NCOR2: variants seen among roughly 807,000 people sequenced by gnomAD.
NCOR2 encodes CTG repeat protein 26.
A neutral mutation model predicts 262.9 loss-of-function variants in NCOR2; 81 were observed. That is an observed-to-expected ratio of 0.31 (90% CI 0.26 to 0.37). NCOR2 has a LOEUF of 0.37. Ranked by LOEUF, NCOR2 falls within the 10% of genes least tolerant of loss-of-function variation. NCOR2 has a pLI of 1.00. For synonymous variants in NCOR2, 1,659 were observed against 1,559.3 expected, an observed-to-expected ratio of 1.06 and a Z score of -1.51; for missense variants, 3,385 against 3,621.4, an observed-to-expected ratio of 0.93 and a Z score of 1.68.
chr12:124,483,497 GC>G lies in NCOR2; in HGVS notation c.411+98del. On this transcript the variant is annotated intron_variant, in intron 3 of 46. Transcript: ENST00000405201. The surrounding 1 kb of genome is among the most constrained non-coding windows in gnomAD (Gnocchi z 6.3). ...CCACCTCCAAGCCTTTGCCCGAGCTGCCCCCTCCCTGCACCCCTACCCACCA... is the reference window on the plus strand; with the variant it reads ...CCACCTCCAAGCCTTTGCCCGAGCTGCCCCTCCCTGCACCCCTACCCACCA... 3 of 1,301,734 alleles carry G rather than the reference GC, an allele frequency of 2.3e-6. No homozygotes were observed. The highest frequency in any genetic ancestry group is 1.6e-5 in the South Asian group (1 of 61,990). The allele number at this position is 1,301,734 out of a possible 1,614,324, so 80.6% of individuals were successfully genotyped here.
Position 124,354,825 on chromosome 12 carries a change from C to T in NCOR2, c.3484+12G>A. 2 of 1,611,514 alleles carry T rather than the reference C, an allele frequency of 1.2e-6. No individual in the cohort carries two copies. The highest frequency in any genetic ancestry group is 1.7e-6 in the Non-Finnish European group (2 of 1,178,688). On this transcript the variant is annotated intron_variant, in intron 25 of 46. Transcript: ENST00000405201. Reference sequence around the variant, plus strand: ...GCCTGAGCCACCCAGACGGATGGGCCAGGAGCCTTACCCAGCTTTTTGGGG... The same window carrying T: ...GCCTGAGCCACCCAGACGGATGGGCTAGGAGCCTTACCCAGCTTTTTGGGG...
At chr12:124,367,036 G>A (rs941521048) in intron 20 of NCOR2, among the ~76,000 whole-genome samples, 3 of 152,218 alleles carry the variant, frequency 2.0e-5, no homozygotes, top group Non-Finnish European at 4.4e-5. Flanking sequence ...GTTTGTATAT[G>A]TGTAAAGATA....
chr12:124,438,861 A>G (rs2044582765), intron 7 of NCOR2, among the ~76,000 whole-genome samples: 1 of 152,254 alleles, frequency 6.6e-6, no homozygotes, highest in African/African-American at 2.4e-5. Context: ...GGAGACAGAG[A>G]CCCAGAGACA....
chr12:124,494,536 C>T (rs2048274896), intron 1 of NCOR2, among the ~76,000 whole-genome samples: 1 of 152,192 alleles, frequency 6.6e-6, no homozygotes, highest in Middle Eastern at 3.2e-3. Flanking sequence ...CCAGGGCACA[C>T]ATGTGGGCAG....
rs887403236 is a variant in NCOR2, at chr12:124,432,595, C to T, written c.883-1808G>A. Among the ~76,000 whole-genome samples, 4 of 152,166 alleles carry T rather than the reference C, an allele frequency of 2.6e-5. No homozygotes were observed. Among genetic ancestry groups the T allele is most frequent in the Non-Finnish European group, 5.9e-5 (4 of 68,038 alleles). On this transcript the variant is annotated intron_variant, in intron 8 of 46. Coordinates refer to ENST00000405201, the Ensembl canonical transcript of NCOR2. The surrounding 1 kb of genome is among the most constrained non-coding windows in gnomAD (Gnocchi z 5.1). The stretch of plus-strand genomic sequence containing the variant: ...AGCTGTGCTGTACAACATGCGGGCC[C>T]GTCAGCCCTGGGGAGGGGCAGCCGC...
intron 17 of NCOR2, among the ~76,000 whole-genome samples, chr12:124,385,351 A>C (rs983767129): frequency 3.9e-5 from 6 of 152,202 alleles, no homozygotes; most frequent in African/African-American, 1.4e-4. Context: ...CCACTCGCTC[A>C]GGACCCATTT....
chr12:124,328,018 GTT>G (rs370242486), intron 44 of NCOR2, among the ~76,000 whole-genome samples: 1 of 149,090 alleles, frequency 6.7e-6, no homozygotes, highest in Admixed American at 6.7e-5. Context: ...TGTTTTGTTT[GTT>G]TTTTTTTTAA....
At chr12:124,355,121 GC>G (rs2037845544) in intron 24 of NCOR2, 182 bp from the exon 27 acceptor site, 1 of 627,200 alleles carries the variant, frequency 1.6e-6, no homozygotes, top group East Asian at 2.8e-5. Context: ...CTGTGAAGGG[GC>G]CATGCCCTCT....
chr12:124,395,259 C>T lies in NCOR2; in HGVS notation c.1876+2860G>A, dbSNP rs571469066. Reference sequence around the variant, plus strand: ...GGTTTTCTGGGCGGGGGCTCCAGAACGTTCCTAGCTTCTCCACCCCGACCC... The same window carrying T: ...GGTTTTCTGGGCGGGGGCTCCAGAATGTTCCTAGCTTCTCCACCCCGACCC... On this transcript the variant is annotated intron_variant, in intron 16 of 46. Coordinates refer to ENST00000405201, the Ensembl canonical transcript of NCOR2. Among the ~76,000 whole-genome samples the T allele has an allele frequency of 1.5e-3, 221 of 152,236 alleles. 2 individuals are homozygous for T. Among genetic ancestry groups the T allele is most frequent in the Admixed American group, 3.3e-3 (50 of 15,296 alleles).
exon 42 of NCOR2, chr12:124,333,216 G>A (rs774267555): frequency 6.2e-7 from 1 of 1,613,102 alleles, no homozygotes. Flanking sequence ...CCTCCGGTGG[G>A]GACACAGGTT....
chr12:124,499,530 G>A (rs547961554), upstream of NCOR2, among the ~76,000 whole-genome samples: 2 of 152,360 alleles, frequency 1.3e-5, no homozygotes, highest in South Asian at 4.1e-4. Context: ...CCAGCTGGAG[G>A]CGCCGCTGAG....
At position 124,503,410 on chromosome 12, in the gene NCOR2, A is replaced by T. The variant is rs2048849317; in HGVS notation, c.-117-8042T>A. Among the ~76,000 whole-genome samples the T allele has an allele frequency of 1.3e-5, 2 of 152,114 alleles. No homozygotes were observed. Among genetic ancestry groups the T allele is most frequent in the Non-Finnish European group, 2.9e-5 (2 of 68,010 alleles). Reference sequence around the variant, plus strand: ...AAAGGAGGAAGGGAGGGAGGAAAGGAGGATGGATGGATGAATGCATGCATG... The same window carrying T: ...AAAGGAGGAAGGGAGGGAGGAAAGGTGGATGGATGGATGAATGCATGCATG... On this transcript the variant is annotated intron_variant, in intron 1 of 46. Coordinates refer to the NCOR2 transcript ENST00000404621. This position sits in a 1 kb window ranked among gnomAD's most constrained non-coding sequence, Gnocchi z 4.3.
chr12:124,356,179 T>C (rs938735928), intron 23 of NCOR2, among the ~76,000 whole-genome samples: 2 of 152,192 alleles, frequency 1.3e-5, no homozygotes, highest in African/African-American at 2.4e-5. Context: ...CACGCATCCC[T>C]CGGGACCAGC....
At chr12:124,404,653 C>T (rs1318468677) in intron 13 of NCOR2, among the ~76,000 whole-genome samples, 2 of 152,252 alleles carry the variant, frequency 1.3e-5, no homozygotes, top group Non-Finnish European at 2.9e-5. Context: ...GAGCTACGAG[C>T]CTTCCCCACC....
chr12:124,504,635 A>T lies in NCOR2; in HGVS notation c.-117-9267T>A, dbSNP rs887474220. ...TCAGCCAACAAGCAGAAACAACCCAAATGTCCATCTACTGACAAACAGATG... is the reference window on the plus strand; with the variant it reads ...TCAGCCAACAAGCAGAAACAACCCATATGTCCATCTACTGACAAACAGATG... On this transcript the variant is annotated intron_variant, in intron 1 of 46. Coordinates refer to the NCOR2 transcript ENST00000404621. This position sits in a 1 kb window ranked among gnomAD's most constrained non-coding sequence, Gnocchi z 4.5. Among the ~76,000 whole-genome samples the T allele has an allele frequency of 6.6e-6, 1 of 152,206 alleles. No individual in the cohort carries two copies. Among genetic ancestry groups the T allele is most frequent in the African/African-American group, 2.4e-5 (1 of 41,450 alleles).
At chr12:124,460,082 T>G (rs2046087557) in intron 5 of NCOR2, among the ~76,000 whole-genome samples, 1 of 152,180 alleles carries the variant, frequency 6.6e-6, no homozygotes, top group Admixed American at 6.5e-5. Context: ...GACCACTCGT[T>G]TTCCCACCTG....
chr12:124,324,441 AACG>A (rs1468084532), exon 47 of NCOR2: 1 of 152,240 alleles, frequency 6.6e-6, no homozygotes, highest in East Asian at 1.9e-4. Flanking sequence ...TTTTAATTAG[AACG>A]ACGTGTGTAA....
At chr12:124,449,710 CT>C in intron 7 of NCOR2, 104 bp downstream of exon 9, 1 of 1,394,374 alleles carries the variant, frequency 7.2e-7, no homozygotes, top group East Asian at 2.4e-5. Context: ...CCGGGAGCCC[CT>C]GATGGGAACA....
intron 15 of NCOR2, among the ~76,000 whole-genome samples, chr12:124,398,385 A>AT (rs982874117): frequency 6.6e-6 from 1 of 152,224 alleles, no homozygotes; most frequent in Admixed American, 6.5e-5. Flanking sequence ...CTGAGCCTTT[A>AT]TGCTGGGCTG....
Sources: allele counts gnomAD v4.1 joint callset (sites outside exome capture counted in the v4.1 genomes callset), GRCh38; gene constraint gnomAD v4.1.1; non-coding constraint Gnocchi (gnomAD v3.1); transcripts MANE v1.5; gene names NCBI Gene and HGNC (gene_info 2026-07-23, HGNC 2026-07-21).